Variants in SEL1L2 observed in about 807,000 individuals in gnomAD.
SEL1L2 encodes the protein SEL1L2 adaptor subunit of SYVN1 ubiquitin ligase.
SEL1L2 carries 89 observed loss-of-function variants against 98.8 expected under a neutral mutation model. The ratio of observed to expected loss-of-function variants is 0.90; its 90% CI spans 0.76 to 1.07. The LOEUF (loss-of-function observed/expected upper bound fraction) is 1.07. Among genes scored for constraint, SEL1L2 ranks in the 50% least tolerant of loss-of-function variants. The pLI is 0.00. For synonymous variants in SEL1L2, 262 were observed against 278.5 expected (o/e 0.94, Z 0.59); for missense variants, 788 against 812.0 (o/e 0.97, Z 0.36).
At chr20:13,878,661 A>G (rs1007848990) in intron 10 of SEL1L2, among the ~76,000 whole-genome samples, 3 of 152,224 alleles carry the variant, frequency 2.0e-5, no homozygotes, top group African/African-American at 7.2e-5. Flanking sequence ...GCATAAGTAC[A>G]AATGCTGCCA....
At chr20:13,929,241 A>G (rs954233647) in intron 3 of SEL1L2, among the ~76,000 whole-genome samples, 1 of 151,282 alleles carries the variant, frequency 6.6e-6, no homozygotes, top group Non-Finnish European at 1.5e-5. Flanking sequence ...ATTCCTAAGT[A>G]TAGACATCTC....
chr20:13,974,631 AC>A (rs1476367801), intron 1 of SEL1L2, among the ~76,000 whole-genome samples: 1 of 151,234 alleles, frequency 6.6e-6, no homozygotes, highest in African/African-American at 2.4e-5. Flanking sequence ...GGTACCCACC[AC>A]CATGCCTGAC....
chr20:13,872,168 T>C (rs2046234354), intron 12 of SEL1L2, among the ~76,000 whole-genome samples: 1 of 152,176 alleles, frequency 6.6e-6, no homozygotes, highest in Admixed American at 6.5e-5. Flanking sequence ...GAGTCTTGAG[T>C]TGCTCTGCTC....
intron 5 of SEL1L2, among the ~76,000 whole-genome samples, chr20:13,891,663 C>CAAAAAAAAA (rs61545047): frequency 2.7e-5 from 2 of 74,246 alleles, no homozygotes; most frequent in African/African-American, 6.1e-5. Context: ...AAGACTCCAT[C>CAAAAAAAAA]AAAAAAAAAA....
chr20:13,953,402 A>G (rs1225249303), intron 2 of SEL1L2, among the ~76,000 whole-genome samples: 1 of 152,136 alleles, frequency 6.6e-6, no homozygotes, highest in Admixed American at 6.6e-5. Context: ...AGGGAGCTCC[A>G]ATGCCATTCC....
rs1007643816 is a variant in SEL1L2 at position 13,849,318 on chromosome 20, T to C, written c.*167A>G. 22 of 786,962 alleles carry C rather than the reference T, an allele frequency of 2.8e-5. No homozygotes were observed. The African/African-American group carries it at 3.8e-4, about 14-fold the overall frequency. 48.7% of individuals were successfully genotyped at this position (786,962 alleles called of 1,614,324 possible). The stretch of plus-strand genomic sequence containing the variant: ...AGGGTTTTCTCTACTAAGCAGGAAG[T>C]CTGAAGTTGTTTCTCTAGGATGGTC... On this transcript the variant is annotated 3_prime_UTR_variant, in exon 20 of 20. Coordinates refer to ENST00000284951, the MANE Select transcript of SEL1L2 (RefSeq NM_025229.2).
At chr20:13,857,714 T>C (rs1420516214) in intron 18 of SEL1L2, among the ~76,000 whole-genome samples, 1 of 152,222 alleles carries the variant, frequency 6.6e-6, no homozygotes, top group Non-Finnish European at 1.5e-5. Context: ...TCCCATATTA[T>C]TATGTTTTGC....
intron 5 of SEL1L2, among the ~76,000 whole-genome samples, chr20:13,901,347 G>T (rs2148092576): frequency 6.6e-6 from 1 of 152,262 alleles, no homozygotes; most frequent in African/African-American, 2.4e-5. Flanking sequence ...TGGGATTACA[G>T]GCGTGAGCCA....
At chr20:13,940,542 G>A (rs536999233) in intron 2 of SEL1L2, among the ~76,000 whole-genome samples, 12 of 152,280 alleles carry the variant, frequency 7.9e-5, no homozygotes, top group African/African-American at 2.6e-4. Context: ...AAGGACAAGA[G>A]GAAGATATTG....
chr20:13,859,860 C>T (rs746745994), intron 17 of SEL1L2, among the ~76,000 whole-genome samples: 2 of 152,122 alleles, frequency 1.3e-5, no homozygotes, highest in African/African-American at 4.8e-5. Context: ...CCACCATGCC[C>T]GGCTAACTTT....
chr20:13,936,625 A>G (rs1395062356), intron 2 of SEL1L2, among the ~76,000 whole-genome samples: 1 of 152,050 alleles, frequency 6.6e-6, no homozygotes, highest in African/African-American at 2.4e-5. Context: ...AGCAGCACCC[A>G]TTCCCTACCC....
At chr20:13,991,094 A>G (rs1485481861), upstream of SEL1L2, among the ~76,000 whole-genome samples, 2 of 152,256 alleles carry the variant, frequency 1.3e-5, no homozygotes, top group African/African-American at 4.8e-5. Flanking sequence ...AAGGCAAACA[A>G]AGACTGTTTA....
intron 10 of SEL1L2, among the ~76,000 whole-genome samples, chr20:13,884,420 G>A (rs190609506): frequency 9.7e-4 from 148 of 152,270 alleles, no homozygotes; most frequent in Non-Finnish European, 3.5e-4. Flanking sequence ...TTACAGAGGA[G>A]GATCCTGTGT....
At chr20:13,968,353 T>C (rs2051139890) in intron 1 of SEL1L2, among the ~76,000 whole-genome samples, 1 of 152,232 alleles carries the variant, frequency 6.6e-6, no homozygotes, top group Non-Finnish European at 1.5e-5. Flanking sequence ...GATAGTTGAA[T>C]AATTGATGCA....
chr20:13,974,966 A>C (rs905186943), intron 1 of SEL1L2, among the ~76,000 whole-genome samples: 1 of 152,034 alleles, frequency 6.6e-6, no homozygotes, highest in Admixed American at 6.6e-5. Flanking sequence ...AAATCTCTCA[A>C]TCATGGAAGC....
intron 5 of SEL1L2, among the ~76,000 whole-genome samples, chr20:13,907,719 TTTCTTTCTTTCTTTCTTTCTTTC>T (rs1396237150): frequency 8.3e-6 from 1 of 120,978 alleles, no homozygotes; most frequent in African/African-American, 3.3e-5. Context: ...TCTTTCTTTC[TTTCTTTCTTTCTTTCTTTCTTTC>T]TTTCTTTTCT....
rs575443765 is a variant in SEL1L2, at chr20:13,942,500, A to T, written c.115-10729T>A. On this transcript the variant is annotated intron_variant, in intron 2 of 19. Coordinates refer to ENST00000284951, the MANE Select transcript of SEL1L2 (RefSeq NM_025229.2). ...ACCAGAAACTCTGGGAGTGAAGTCC[A>T]GCAATCTGTGATTTAACAAGTCCTC... Among the ~76,000 whole-genome samples the T allele has an allele frequency of 1.2e-4, 19 of 152,338 alleles. No homozygotes were observed. In the South Asian group the frequency reaches 3.9e-3, roughly 32 times the overall value.
chr20:13,892,284 T>C (rs935456793), intron 5 of SEL1L2, among the ~76,000 whole-genome samples: 8 of 151,280 alleles, frequency 5.3e-5, no homozygotes, highest in Non-Finnish European at 7.4e-5. Context: ...ATGCCATCTG[T>C]ACAAAAATAT....
At chr20:13,898,836 G>A (rs187330637) in intron 5 of SEL1L2, among the ~76,000 whole-genome samples, 50 of 152,200 alleles carry the variant, frequency 3.3e-4, no homozygotes, top group African/African-American at 9.9e-4. Flanking sequence ...TCCGCCTCCC[G>A]GGTTCAAGAG....
Sources: gnomAD v4.1 joint callset for allele counts (sites outside exome capture counted in the v4.1 genomes callset) on GRCh38, gnomAD v4.1.1 for gene constraint, MANE v1.5 for transcripts, NCBI Gene and HGNC (gene_info 2026-07-23, HGNC 2026-07-21) for gene names.